DAZL: variants seen among roughly 807,000 people sequenced by gnomAD.
DAZL encodes deleted in azoospermia-like.
DAZL carries 4 observed loss-of-function variants against 45.0 expected under a neutral mutation model. That is an observed-to-expected ratio of 0.09 (90% CI 0.04 to 0.20). The LOEUF is 0.20. Ranked by LOEUF, DAZL falls within the 10% of genes least tolerant of loss-of-function variation. DAZL has a pLI of 1.00. For missense variants in DAZL, 326 were observed against 351.3 expected, an observed-to-expected ratio of 0.93 and a Z score of 0.58; for synonymous variants, 122 against 112.4, an observed-to-expected ratio of 1.09 and a Z score of -0.54.
At chr3:16,601,710 T>TAC (rs1694692061) in intron 1 of DAZL, among the ~76,000 whole-genome samples, 1 of 152,202 alleles carries the variant, frequency 6.6e-6, no homozygotes, top group Non-Finnish European at 1.5e-5. Flanking sequence ...TTCTTAATCA[T>TAC]ACCTTCAAGT....
intron 10 of DAZL, among the ~76,000 whole-genome samples, chr3:16,590,943 T>C (rs979286537): frequency 2.0e-5 from 3 of 152,212 alleles, no homozygotes; most frequent in African/African-American, 4.8e-5. Flanking sequence ...ATTGTGGTCA[T>C]GGTTACACAA....
rs1426840465 is a variant in DAZL, at chr3:16,595,353, C to G, written c.531G>C (p.Gln177His). 1.3e-6 allele frequency: 2 copies of G among 1,583,766 alleles called. No homozygotes were observed. Among genetic ancestry groups the G allele is most frequent in the Non-Finnish European group, 1.7e-6 (2 of 1,160,852 alleles). The change falls in exon 7 of 11, where the codon CAG (glutamine) becomes CAC (histidine). Residue 177 changes from glutamine to histidine, a missense_variant. By Grantham distance (24) the Gln-to-His change is conservative (BLOSUM62 0). Transcript: ENST00000399444. ...AYPTYPNSPV[Q>H]VITGYQLPVY... ...CAGGCAACTGATATCCAGTGATGAC[C>G]TGAACTGGTGAATTTGGGTAAGTAG...
intron 7 of DAZL, 111 bp from the exon 8 acceptor site, chr3:16,594,694 TATAATAAAAGAAAC>T: frequency 1.5e-6 from 1 of 648,672 alleles, no homozygotes. Flanking sequence ...CCTTTGTTGT[TATAATAAAAGAAAC>T]AGAATGAAAA....
intron 1 of DAZL, chr3:16,604,913 G>A (rs1404657275): frequency 8.8e-6 from 6 of 681,086 alleles, no homozygotes; most frequent in African/African-American, 5.4e-5. Flanking sequence ...CGGGAAATGG[G>A]TGCCTCAAGA....
chr3:16,597,077 AG>A, intron 4 of DAZL, 26 bp from the exon 5 acceptor site: 1 of 1,601,872 alleles, frequency 6.2e-7, no homozygotes, highest in African/African-American at 1.3e-5. Context: ...TAACAAAACT[AG>A]AATCAATTTT....
At chr3:16,595,013 C>T (rs1380483267) in intron 7 of DAZL, among the ~76,000 whole-genome samples, 3 of 151,586 alleles carry the variant, frequency 2.0e-5, no homozygotes, top group Non-Finnish European at 2.9e-5. Flanking sequence ...GATGAAAGTC[C>T]GTCTGGCTGT....
Position 16,605,190 on chromosome 3 carries a change from T to C in DAZL, c.3+13A>G. Reference sequence around the variant, plus strand: ...CCGCCAGCCTTGCCCCTCGGGCCTCTCCCTCAACTCACCATGATGGCGGCA... The same window carrying C: ...CCGCCAGCCTTGCCCCTCGGGCCTCCCCCTCAACTCACCATGATGGCGGCA... On this transcript the variant is annotated intron_variant, in intron 1 of 10. Transcript: ENST00000399444. The C allele has an allele frequency of 1.2e-6, 2 of 1,614,128 alleles. No individual in the cohort carries two copies. The highest frequency in any genetic ancestry group is 1.7e-6 in the Non-Finnish European group (2 of 1,179,986).
chr3:16,595,021 T>C (rs978066349), intron 7 of DAZL, among the ~76,000 whole-genome samples: 5 of 150,404 alleles, frequency 3.3e-5, no homozygotes, highest in African/African-American at 1.2e-4. Flanking sequence ...TCCGTCTGGC[T>C]GTTTCGGCTA....
chr3:16,598,944 C>A (rs528857458), intron 1 of DAZL, among the ~76,000 whole-genome samples: 45 of 151,872 alleles, frequency 3.0e-4, no homozygotes, highest in African/African-American at 1.1e-3. Flanking sequence ...ACACCACGCC[C>A]GGCTAATTTT....
At chr3:16,604,759 A>C in intron 1 of DAZL, 1 of 1,343,216 alleles carries the variant, frequency 7.4e-7, no homozygotes, top group Non-Finnish European at 9.5e-7. Flanking sequence ...CGCGCCAGAA[A>C]TGAGGCTGGC....
rs190385438 is a variant in DAZL at position 16,601,121 on chromosome 3, T to A, written c.4-2523A>T. Among the ~76,000 whole-genome samples, 7 of 152,306 alleles carry A rather than the reference T, an allele frequency of 4.6e-5. No homozygotes were observed. In the East Asian group the frequency reaches 1.3e-3, roughly 29 times the overall value. ...AATTATTGTTTGGGAAGAACCTGATTTCCATTGTTCAGTAAAGTAAGTCTT... is the reference window on the plus strand; with the variant it reads ...AATTATTGTTTGGGAAGAACCTGATATCCATTGTTCAGTAAAGTAAGTCTT... On this transcript the variant is annotated intron_variant, in intron 1 of 10. Transcript: ENST00000399444.
intron 1 of DAZL, among the ~76,000 whole-genome samples, chr3:16,599,130 G>A (rs1378685984): frequency 6.6e-6 from 1 of 151,774 alleles, no homozygotes; most frequent in Non-Finnish European, 1.5e-5. Flanking sequence ...ACCGAGTCTT[G>A]CACAATGCTG....
In DAZL at chr3:16,593,676, G is replaced by C. The variant is rs748410731; in HGVS notation, c.714C>G (p.Pro238=). The C allele has an allele frequency of 6.2e-7, 1 of 1,610,442 alleles. No homozygotes were observed. The highest frequency in any genetic ancestry group is 2.2e-5 in the East Asian group (1 of 44,758). The change falls in exon 9 of 11, where the codon CCC becomes CCG. Residue 238 remains proline, a synonymous_variant. Transcript: ENST00000399444. ...TTGCCTTTTGTGGGCCATTTCCAGAGGGTGGAGTAGCTTCATGAACTGAAC... is the reference window on the plus strand; with the variant it reads ...TTGCCTTTTGTGGGCCATTTCCAGACGGTGGAGTAGCTTCATGAACTGAAC... ...NECSVHEATP[P]SGNGPQKKSV...
At chr3:16,594,174 G>GT (rs1357893150) in intron 8 of DAZL, among the ~76,000 whole-genome samples, 77 of 151,982 alleles carry the variant, frequency 5.1e-4, no homozygotes, top group Admixed American at 1.8e-3. Flanking sequence ...CTCTTCAACA[G>GT]TTTTTTTTAT....
intron 1 of DAZL, among the ~76,000 whole-genome samples, chr3:16,599,930 T>C (rs1296884316): frequency 6.6e-6 from 1 of 152,210 alleles, no homozygotes; most frequent in Non-Finnish European, 1.5e-5. Flanking sequence ...CATCTGTGAA[T>C]TCATTTTGTA....
chr3:16,598,734 ATTTAAACTT>A, intron 1 of DAZL, 136 bp from the exon 2 acceptor site: 1 of 1,078,594 alleles, frequency 9.3e-7, no homozygotes, highest in Non-Finnish European at 1.2e-6. Context: ...CAGGCTCAGG[ATTTAAACTT>A]ATCAGAGTAG....
intron 1 of DAZL, among the ~76,000 whole-genome samples, chr3:16,604,114 GTTTA>G (rs906860789): frequency 2.6e-5 from 4 of 152,142 alleles, no homozygotes; most frequent in Non-Finnish European, 5.9e-5. Context: ...CATAATAGGT[GTTTA>G]TTTTTATTTT....
At chr3:16,601,580 G>C (rs1694690347) in intron 1 of DAZL, among the ~76,000 whole-genome samples, 1 of 152,090 alleles carries the variant, frequency 6.6e-6, no homozygotes, top group Admixed American at 6.6e-5. Context: ...ACAAACTTTG[G>C]TGAAACCGTG....
chr3:16,605,141 G>C lies in DAZL; in HGVS notation c.3+62C>G, dbSNP rs73142542. The C allele has an allele frequency of 3.8e-3, 6,171 of 1,607,414 alleles. 219 individuals carry two copies. In the African/African-American group the frequency reaches 0.07, roughly 18 times the overall value. On this transcript the variant is annotated intron_variant, in intron 1 of 10. Transcript: ENST00000399444. ...CTTCACTTTCCGACCCTGCAGAGCC[G>C]AGTTTCACCCACGAGTGAAGACTCC...
Sources: gnomAD v4.1 joint callset for allele counts (sites outside exome capture counted in the v4.1 genomes callset) on GRCh38, gnomAD v4.1.1 for gene constraint, MANE v1.5 for transcripts, NCBI Gene and HGNC (gene_info 2026-07-23, HGNC 2026-07-21) for gene names.